The following MATN2 variants were observed in gnomAD, a reference collection of about 807,000 sequenced individuals.
MATN2 encodes the protein matrilin 2, also known as matrilin-2.
Under a neutral mutation model 103.2 loss-of-function variants are expected in MATN2, and 69 were observed. The ratio of observed to expected loss-of-function variants is 0.67; its 90% CI spans 0.55 to 0.82. MATN2 has a LOEUF of 0.82. Among genes scored for constraint, MATN2 ranks in the 40% least tolerant of loss-of-function variants. The pLI is 0.00. For missense variants in MATN2, 1,023 were observed against 1,211.5 expected, an observed-to-expected ratio of 0.84 and a Z score of 2.31; for synonymous variants, 429 against 450.2, an observed-to-expected ratio of 0.95 and a Z score of 0.60.
intron 2 of MATN2, among the ~76,000 whole-genome samples, chr8:97,900,407 G>GT (rs1818939433): frequency 6.6e-6 from 1 of 152,202 alleles, no homozygotes; most frequent in East Asian, 1.9e-4. Flanking sequence ...AAGGCATGAT[G>GT]GATTATGTGT....
intron 6 of MATN2, among the ~76,000 whole-genome samples, chr8:97,981,672 G>A (rs1004881432): frequency 1.3e-5 from 2 of 152,130 alleles, no homozygotes; most frequent in East Asian, 3.8e-4. Context: ...GATGAGGACT[G>A]GAGAAAAACA....
At chr8:97,929,778 G>A (rs910138439) in intron 2 of MATN2, among the ~76,000 whole-genome samples, 1 of 152,110 alleles carries the variant, frequency 6.6e-6, no homozygotes, top group Non-Finnish European at 1.5e-5. Context: ...AATGAGATTA[G>A]TCCAGAAATT....
chr8:98,035,595 A>C lies in MATN2; in HGVS notation c.2816-62A>C, dbSNP rs567312067. 4.8e-6 allele frequency: 5 copies of C among 1,039,058 alleles called. No homozygotes were observed. The African/African-American group carries it at 6.4e-5, about 13-fold the overall frequency. 64.4% of individuals were successfully genotyped at this position (1,039,058 alleles called of 1,614,324 possible). A position where few individuals can be genotyped will look rare whatever the true frequency, so the allele number is the denominator to read the frequency against. On this transcript the variant is annotated intron_variant, in intron 18 of 18. Coordinates refer to ENST00000254898, the MANE Select transcript of MATN2 (RefSeq NM_002380.5). The stretch of plus-strand genomic sequence containing the variant: ...AGCCAAAATTTTACGTGGATAAATC[A>C]AGTTATATTTAAATGTAAATAAAAA...
intron 2 of MATN2, among the ~76,000 whole-genome samples, chr8:97,907,457 G>T (rs868068101): frequency 6.6e-6 from 1 of 150,428 alleles, no homozygotes; most frequent in African/African-American, 2.4e-5. Context: ...GACTACAGGC[G>T]CCCGCCACCA....
intron 13 of MATN2, among the ~76,000 whole-genome samples, chr8:98,023,726 ACACT>A (rs767352249): frequency 2.6e-5 from 4 of 152,342 alleles, no homozygotes; most frequent in Admixed American, 6.5e-5. Flanking sequence ...GTGCTCACAC[ACACT>A]AAGTGCTCAA....
At chr8:97,952,475 C>A (rs752710134) in intron 4 of MATN2, among the ~76,000 whole-genome samples, 2 of 152,186 alleles carry the variant, frequency 1.3e-5, no homozygotes, top group South Asian at 2.1e-4. Context: ...CGTGCTCCCC[C>A]CTCAGTTCTG....
rs960381099 is a variant in MATN2 at position 97,968,211 on chromosome 8, T to C, written c.958+6681T>C. 4.6e-5 allele frequency among the ~76,000 whole-genome samples: 7 copies of C among 152,322 alleles called. 1 individual carries two copies. The highest frequency in any genetic ancestry group is 4.6e-4 in the Admixed American group (7 of 15,300). On this transcript the variant is annotated intron_variant, in intron 5 of 18. Transcript: ENST00000254898. ...TGGACCTGGCCCCCCAAATCATTTT[T>C]TTCCCCTAGGCCTCTGGGCCTTTGA...
At position 98,007,010 on chromosome 8, in the gene MATN2, G is replaced by T; in HGVS notation, c.1328-95G>T. On this transcript the variant is annotated intron_variant, in intron 8 of 18. Coordinates refer to ENST00000254898, the MANE Select transcript of MATN2 (RefSeq NM_002380.5). The surrounding 1 kb of genome is among the most constrained non-coding windows in gnomAD (Gnocchi z 4.2). ...GGGGTAGAATGACACCTTCCCTGTGGCTTGTTATGCCTCCGGTTTTGTTTT... is the reference window on the plus strand; with the variant it reads ...GGGGTAGAATGACACCTTCCCTGTGTCTTGTTATGCCTCCGGTTTTGTTTT... 7.4e-7 allele frequency: 1 copy of T among 1,358,324 alleles called. No individual in the cohort carries two copies. 84.1% of individuals were successfully genotyped at this position (1,358,324 alleles called of 1,614,324 possible). A position where few individuals can be genotyped will look rare whatever the true frequency, so the allele number is the denominator to read the frequency against.
At chr8:97,960,536 T>G (rs1401571487) in intron 4 of MATN2, among the ~76,000 whole-genome samples, 1 of 152,212 alleles carries the variant, frequency 6.6e-6, no homozygotes, top group African/African-American at 2.4e-5. Context: ...AGGCAGAGCT[T>G]AGCACTTAGT....
chr8:98,007,393 C>T lies in MATN2; in HGVS notation c.1451-86C>T, dbSNP rs1043803882. ...GGGACTGCATGCCTTCGAGGGAGGGCGGGGTGAGCATGACGGTCACTTGAT... is the reference window on the plus strand; with the variant it reads ...GGGACTGCATGCCTTCGAGGGAGGGTGGGGTGAGCATGACGGTCACTTGAT... On this transcript the variant is annotated intron_variant, in intron 9 of 18. Coordinates refer to ENST00000254898, the MANE Select transcript of MATN2 (RefSeq NM_002380.5). This position sits in a 1 kb window ranked among gnomAD's most constrained non-coding sequence, Gnocchi z 4.2. The T allele has an allele frequency of 1.0e-4, 160 of 1,562,886 alleles. 1 individual carries two copies. The Admixed American group carries it at 1.6e-3, about 16-fold the overall frequency.
chr8:97,876,782 C>T (rs1241811993), intron 1 of MATN2, among the ~76,000 whole-genome samples: 2 of 152,124 alleles, frequency 1.3e-5, no homozygotes, highest in Non-Finnish European at 2.9e-5. Flanking sequence ...TTTCTGTGCA[C>T]TAACAAGCCA....
At chr8:98,000,604 A>AAAAAAAAAAAAAAAAAAG (rs1554613598) in intron 7 of MATN2, among the ~76,000 whole-genome samples, 15 of 127,202 alleles carry the variant, frequency 1.2e-4, no homozygotes, top group Non-Finnish European at 2.0e-4. Context: ...CTCAAAAAAA[A>AAAAAAAAAAAAAAAAAAG]AAAAAAGAAA....
intron 2 of MATN2, among the ~76,000 whole-genome samples, chr8:97,922,772 CCTT>C (rs1415900635): frequency 2.6e-5 from 4 of 152,210 alleles, no homozygotes; most frequent in East Asian, 1.9e-4. Context: ...CCCTCACTGT[CCTT>C]CTCTCTCTCA....
Position 98,018,085 on chromosome 8 carries a change from C to A in MATN2, c.1788C>A (p.Phe596Leu). 6.2e-7 allele frequency: 1 copy of A among 1,613,886 alleles called. No individual in the cohort carries two copies. Residue 596 changes from phenylalanine to leucine, a missense_variant, in exon 12 of 19, where the codon TTC becomes TTA. Phe to Leu is a conservative substitution (Grantham distance 22, BLOSUM62 0). Transcript: ENST00000254898. The part of the protein sequence containing the change: ...DSYTCECLEG[F>L]RLAEDGKRCR... ...ACACGTGCGAGTGCTTGGAGGGATT[C>A]CGGCTCGCTGAGGATGGGAAACGCT...
chr8:97,964,486 C>A (rs1000014169), intron 5 of MATN2, among the ~76,000 whole-genome samples: 2 of 147,070 alleles, frequency 1.4e-5, no homozygotes, highest in African/African-American at 4.9e-5. Context: ...TTGAGTCTTG[C>A]TCTGTTGCCC....
intron 2 of MATN2, among the ~76,000 whole-genome samples, chr8:97,906,756 T>C (rs2444865): frequency 1 from 152,202 of 152,328 alleles, 76,040 homozygotes; most frequent in South Asian, 1. Flanking sequence ...GGGACATCAA[T>C]GGACAATTTG....
chr8:97,888,219 C>T lies in MATN2; in HGVS notation c.119C>T (p.Thr40Ile), dbSNP rs1034491467. Residue 40 changes from threonine to isoleucine, a missense_variant, in exon 2 of 19, where the codon ACC becomes ATC. Physicochemically the swap from Thr to Ile is moderately conservative, Grantham distance 89. Coordinates refer to ENST00000254898, the MANE Select transcript of MATN2 (RefSeq NM_002380.5). ...ATCTCTAGGGGCAGACACGCTCGGA[C>T]CCACCCGCAGACGGCCCTTCTGGGT... Reference protein sequence around the residue: ...RSISRGRHARTHPQTALLESS... With the variant: ...RSISRGRHARIHPQTALLESS... 19 of 1,578,762 alleles carry T rather than the reference C, an allele frequency of 1.2e-5. No homozygotes were observed. The highest frequency in any genetic ancestry group is 4.6e-5 in the South Asian group (4 of 86,522).
At chr8:98,012,860 C>T (rs1813218478) in intron 10 of MATN2, among the ~76,000 whole-genome samples, 2 of 152,278 alleles carry the variant, frequency 1.3e-5, no homozygotes, top group South Asian at 4.2e-4. Context: ...AAAGTCACTT[C>T]CCCTCTGACC....
At chr8:98,003,896 T>A in intron 8 of MATN2, 113 bp downstream of exon 8, 1 of 1,203,970 alleles carries the variant, frequency 8.3e-7, no homozygotes, top group Non-Finnish European at 1.2e-6. Flanking sequence ...CCTGATGGTC[T>A]GTCAGGTGTA....
Sources: gnomAD v4.1 joint callset for allele counts (sites outside exome capture counted in the v4.1 genomes callset) on GRCh38, gnomAD v4.1.1 for gene constraint, Gnocchi (gnomAD v3.1) non-coding constraint, MANE v1.5 for transcripts, NCBI Gene and HGNC (gene_info 2026-07-23, HGNC 2026-07-21) for gene names.